Variants in ZFYVE28 observed in about 807,000 individuals in gnomAD.
The protein encoded by ZFYVE28 is zinc finger FYVE-type containing 28.
Under a neutral mutation model 82.1 loss-of-function variants are expected in ZFYVE28, and 40 were observed. That is an observed-to-expected ratio of 0.49 (90% confidence interval 0.38 to 0.63). ZFYVE28 has a LOEUF of 0.63. Among genes scored for constraint, ZFYVE28 ranks in the 30% least tolerant of loss-of-function variants. The pLI is 0.00. For missense variants in ZFYVE28, 1,321 were observed against 1,242.1 expected, an observed-to-expected ratio of 1.06 and a Z score of -0.96; for synonymous variants, 612 against 546.1, an observed-to-expected ratio of 1.12 and a Z score of -1.68.
At chr4:2,366,212 A>T (rs1430805606) in intron 1 of ZFYVE28, among the ~76,000 whole-genome samples, 1 of 152,230 alleles carries the variant, frequency 6.6e-6, no homozygotes, top group Non-Finnish European at 1.5e-5. Flanking sequence ...CACCAAAAAC[A>T]TTCACGTGTA....
chr4:2,412,184 CA>C (rs1300454382), intron 1 of ZFYVE28, among the ~76,000 whole-genome samples: 1 of 152,172 alleles, frequency 6.6e-6, no homozygotes, highest in African/African-American at 2.4e-5. Context: ...GAAAAAGGCA[CA>C]GGGGTGGCAG....
At chr4:2,410,891 T>C (rs1245462467) in intron 1 of ZFYVE28, among the ~76,000 whole-genome samples, 1 of 152,230 alleles carries the variant, frequency 6.6e-6, no homozygotes, top group Non-Finnish European at 1.5e-5. Context: ...CTGTTATGTA[T>C]AAAGCTGCTA....
intron 8 of ZFYVE28, among the ~76,000 whole-genome samples, chr4:2,296,248 C>G (rs1714553670): frequency 6.6e-6 from 1 of 152,198 alleles, no homozygotes; most frequent in Non-Finnish European, 1.5e-5. Context: ...GGCCACCACT[C>G]AGGGCCTTGC....
intron 1 of ZFYVE28, among the ~76,000 whole-genome samples, chr4:2,414,957 A>G (rs1732879581): frequency 6.6e-6 from 1 of 152,274 alleles, no homozygotes; most frequent in African/African-American, 2.4e-5. Flanking sequence ...ACATCAATAA[A>G]GCAGGACAAG....
At chr4:2,279,529 C>G (rs1711619644) in intron 8 of ZFYVE28, among the ~76,000 whole-genome samples, 1 of 152,160 alleles carries the variant, frequency 6.6e-6, no homozygotes, top group Non-Finnish European at 1.5e-5. Flanking sequence ...CCTGTAATCC[C>G]AGCACTTTGG....
intron 2 of ZFYVE28, among the ~76,000 whole-genome samples, chr4:2,346,232 C>T (rs542039262): frequency 3.6e-4 from 53 of 147,300 alleles, no homozygotes; most frequent in Non-Finnish European, 4.2e-4. Flanking sequence ...GTCCCAGCTA[C>T]GTGGGGGGCT....
intron 1 of ZFYVE28, among the ~76,000 whole-genome samples, chr4:2,399,011 C>T (rs60626249): frequency 0.05 from 3,568 of 71,128 alleles, 86 homozygotes; most frequent in Middle Eastern, 0.1. Flanking sequence ...CAAGGAGGGG[C>T]GAGATCTAGG....
intron 1 of ZFYVE28, among the ~76,000 whole-genome samples, chr4:2,375,708 A>G (rs1473715937): frequency 6.6e-6 from 1 of 152,026 alleles, no homozygotes. Flanking sequence ...ACAGGCTGAG[A>G]AAGCACCGCC....
chr4:2,418,227 C>T lies in ZFYVE28; in HGVS notation c.39+58G>A. 8 of 1,505,130 alleles carry T rather than the reference C, an allele frequency of 5.3e-6. No individual in the cohort carries two copies. The highest frequency in any genetic ancestry group is 7.1e-6 in the Non-Finnish European group (8 of 1,123,570). The allele number at this position is 1,505,130 out of a possible 1,614,324, so 93.2% of individuals were successfully genotyped here. ...CCGTCTTGTAGGGCGGACGGGCGGT[C>T]CTGGGGAAGGGAGAGGCCGCGACGC... On this transcript the variant is annotated intron_variant, in intron 1 of 12. Coordinates refer to ENST00000290974, the MANE Select transcript of ZFYVE28 (RefSeq NM_020972.3). This position sits in a 1 kb window ranked among gnomAD's most constrained non-coding sequence, Gnocchi z 4.6.
At chr4:2,274,503 G>A (rs1320127206) in intron 8 of ZFYVE28, among the ~76,000 whole-genome samples, 3 of 152,106 alleles carry the variant, frequency 2.0e-5, no homozygotes, top group African/African-American at 7.2e-5. Context: ...CTCACCCACT[G>A]AGGCTGTACT....
At chr4:2,271,189 G>A in intron 12 of ZFYVE28, 122 bp downstream of exon 12, 2 of 1,043,136 alleles carry the variant, frequency 1.9e-6, no homozygotes, top group Non-Finnish European at 2.8e-6. Context: ...AGGGGCCTCT[G>A]CACAAGACCC....
intron 1 of ZFYVE28, among the ~76,000 whole-genome samples, chr4:2,388,062 C>A (rs965394875): frequency 6.6e-6 from 1 of 152,240 alleles, no homozygotes; most frequent in African/African-American, 2.4e-5. Flanking sequence ...CAGGAACCCA[C>A]TGAGCAGATA....
chr4:2,335,827 G>T lies in ZFYVE28; in HGVS notation c.612-33C>A. The T allele has an allele frequency of 6.5e-7, 1 of 1,537,866 alleles. No homozygotes were observed. ...GGGAGACGGACAGTGAGCAGCATGA[G>T]GGCTGGCCCACCACAGCCACAGGTT... On this transcript the variant is annotated intron_variant, in intron 5 of 12. Coordinates refer to ENST00000290974, the MANE Select transcript of ZFYVE28 (RefSeq NM_020972.3). The surrounding 1 kb of genome is among the most constrained non-coding windows in gnomAD (Gnocchi z 5.8).
intron 8 of ZFYVE28, among the ~76,000 whole-genome samples, chr4:2,294,667 T>C (rs1310805988): frequency 1.3e-5 from 2 of 152,158 alleles, no homozygotes; most frequent in African/African-American, 4.8e-5. Context: ...AAGACAAGAT[T>C]GGGAGAAAAT....
intron 1 of ZFYVE28, among the ~76,000 whole-genome samples, chr4:2,398,897 G>T (rs866806157): frequency 2.0e-3 from 108 of 53,886 alleles, no homozygotes; most frequent in Non-Finnish European, 3.0e-3. Context: ...AAGATCCAGG[G>T]CACAAGTGTG....
intron 8 of ZFYVE28, among the ~76,000 whole-genome samples, chr4:2,278,939 C>T (rs61789414): frequency 2.5e-5 from 3 of 118,656 alleles, no homozygotes; most frequent in African/African-American, 7.8e-5. Flanking sequence ...TCCCCCCCCC[C>T]TCAAAAAAAA....
chr4:2,280,872 T>A (rs1378634710), intron 8 of ZFYVE28, among the ~76,000 whole-genome samples: 5 of 152,318 alleles, frequency 3.3e-5, no homozygotes, highest in African/African-American at 9.6e-5. Flanking sequence ...TGGACAAGCA[T>A]CCTGCTACTG....
rs917269718 is a variant in ZFYVE28 at position 2,416,270 on chromosome 4, G to A, written c.39+2015C>T. ...GACAAGGCCATCCTGAAATTACTCA[G>A]CTACTCATGAAACAGAGTCTACAAT... is the stretch of plus-strand genomic sequence containing the variant. On this transcript the variant is annotated intron_variant, in intron 1 of 12. Transcript: ENST00000290974. The surrounding 1 kb of genome is among the most constrained non-coding windows in gnomAD (Gnocchi z 4.6). Among the ~76,000 whole-genome samples the A allele has an allele frequency of 1.3e-5, 2 of 152,182 alleles. No homozygotes were observed. The highest frequency in any genetic ancestry group is 2.9e-5 in the Non-Finnish European group (2 of 68,040).
rs1733020303 is a variant in ZFYVE28 at position 2,416,228 on chromosome 4, T to G, written c.39+2057A>C. Among the ~76,000 whole-genome samples, 1 of 152,230 alleles carries G rather than the reference T, an allele frequency of 6.6e-6. No homozygotes were observed. Among genetic ancestry groups the G allele is most frequent in the African/African-American group, 2.4e-5 (1 of 41,462 alleles). On this transcript the variant is annotated intron_variant, in intron 1 of 12. Coordinates refer to ENST00000290974, the MANE Select transcript of ZFYVE28 (RefSeq NM_020972.3). This position sits in a 1 kb window ranked among gnomAD's most constrained non-coding sequence, Gnocchi z 4.6. ...TACCATGTTCTACCTTTAACCTGTCTTCCCTAAACGGAAACAGACAAGGCC... is the reference window on the plus strand; with the variant it reads ...TACCATGTTCTACCTTTAACCTGTCGTCCCTAAACGGAAACAGACAAGGCC...
Sources: gnomAD v4.1 joint callset for allele counts (sites outside exome capture counted in the v4.1 genomes callset) on GRCh38, gnomAD v4.1.1 for gene constraint, Gnocchi (gnomAD v3.1) non-coding constraint, MANE v1.5 for transcripts, NCBI Gene and HGNC (gene_info 2026-07-23, HGNC 2026-07-21) for gene names.